The following SNX30 variants were observed in gnomAD, a reference collection of about 807,000 sequenced individuals.
SNX30 encodes the protein sorting nexin-30.
A neutral mutation model predicts 46.4 loss-of-function variants in SNX30; 24 were observed. The observed-to-expected ratio is 0.52, with a 90% confidence interval of 0.37 to 0.73. The LOEUF (loss-of-function observed/expected upper bound fraction) is 0.73. Among genes scored for constraint, SNX30 ranks in the 30% least tolerant of loss-of-function variants. The pLI, the probability that SNX30 is intolerant of heterozygous loss-of-function variation, is 0.00. For synonymous variants in SNX30, 189 were observed against 211.5 expected (o/e 0.89, Z 0.92); for missense variants, 533 against 555.7 (o/e 0.96, Z 0.41).
At chr9:112,812,962 C>T (rs1446614897) in intron 2 of SNX30, among the ~76,000 whole-genome samples, 2 of 152,038 alleles carry the variant, frequency 1.3e-5, no homozygotes, top group African/African-American at 4.8e-5. Context: ...GCCTGGTCAA[C>T]ATGGTGAAAC....
chr9:112,793,797 G>GTTTTTTTTTTTT (rs200559435), intron 1 of SNX30, among the ~76,000 whole-genome samples: 37 of 137,086 alleles, frequency 2.7e-4, no homozygotes, highest in South Asian at 4.4e-4. Context: ...TACCTCCACT[G>GTTTTTTTTTTTT]TTTTTTGTTT....
At position 112,874,370 on chromosome 9, in the gene SNX30, T is replaced by A. The variant is rs1841490295; in HGVS notation, c.*5527T>A. On this transcript the variant is annotated 3_prime_UTR_variant, in exon 9 of 9. Transcript: ENST00000374232. ...GAGTTGGGAGTGCATTGAGAGATGA[T>A]GTCCATCTGATATATTCCTGTGAAA... The A allele has an allele frequency of 1.3e-5, 2 of 152,254 alleles. No homozygotes were observed. Among genetic ancestry groups the A allele is most frequent in the Non-Finnish European group, 2.9e-5 (2 of 68,046 alleles). The allele number at this position is 152,254 out of a possible 1,614,324, so 9.4% of individuals were successfully genotyped here.
intron 4 of SNX30, 55 bp downstream of exon 4, chr9:112,830,938 T>G: frequency 6.6e-7 from 1 of 1,523,774 alleles, no homozygotes. Context: ...TGGGGCTCTT[T>G]CCTAAAAGCT....
intron 7 of SNX30, among the ~76,000 whole-genome samples, chr9:112,854,019 A>G (rs1841077787): frequency 6.6e-6 from 1 of 152,264 alleles, no homozygotes; most frequent in Non-Finnish European, 1.5e-5. Context: ...TAAAGACGTC[A>G]TGTATGTAGT....
chr9:112,766,515 G>A (rs1357837982), intron 1 of SNX30, among the ~76,000 whole-genome samples: 1 of 152,142 alleles, frequency 6.6e-6, no homozygotes. Flanking sequence ...TAAGTATACA[G>A]TTGAGTAGTG....
chr9:112,804,761 C>G lies in SNX30; in HGVS notation c.157-15C>G. On this transcript the variant is annotated splice_polypyrimidine_tract_variant and intron_variant, in intron 1 of 8. Transcript: ENST00000374232. ...TGTTTTCATTTAATTTTAAGGTGCT[C>G]TTTTCTTCTTTTAGGATCTCATTTT... is the stretch of plus-strand genomic sequence containing the variant. The G allele has an allele frequency of 6.3e-7, 1 of 1,590,648 alleles. No homozygotes were observed. The highest frequency in any genetic ancestry group is 8.6e-7 in the Non-Finnish European group (1 of 1,167,702).
chr9:112,879,572 A>G, downstream of SNX30: 1 of 548,680 alleles, frequency 1.8e-6, no homozygotes. Context: ...TTTTTCCATC[A>G]CCAGGAAAGT....
chr9:112,769,165 C>T (rs773610568), intron 1 of SNX30, among the ~76,000 whole-genome samples: 1 of 152,162 alleles, frequency 6.6e-6, no homozygotes, highest in African/African-American at 2.4e-5. Flanking sequence ...TCTTTTGATT[C>T]AACAAGTTCT....
intron 7 of SNX30, chr9:112,856,821 G>A (rs929896092): frequency 1.3e-5 from 2 of 152,522 alleles, no homozygotes; most frequent in Non-Finnish European, 2.9e-5. Flanking sequence ...CCCTCACCAT[G>A]GGGCAGAAGA....
chr9:112,794,273 C>T (rs903531431), intron 1 of SNX30, among the ~76,000 whole-genome samples: 3 of 152,146 alleles, frequency 2.0e-5, no homozygotes, highest in South Asian at 2.1e-4. Flanking sequence ...CTGCCTCAGC[C>T]TCCTGAGTAG....
At chr9:112,860,331 A>G (rs1841206845) in intron 7 of SNX30, among the ~76,000 whole-genome samples, 2 of 152,186 alleles carry the variant, frequency 1.3e-5, no homozygotes, top group Admixed American at 1.3e-4. Context: ...AGCCTTTATA[A>G]AAGAGCTGTG....
chr9:112,771,093 G>T (rs1202751458), intron 1 of SNX30, among the ~76,000 whole-genome samples: 8 of 107,534 alleles, frequency 7.4e-5, no homozygotes, highest in Admixed American at 6.5e-4. Context: ...ATCTTGCTTC[G>T]CAGAACTTAA....
At chr9:112,875,032 A>T (rs1841503160), downstream of SNX30, 1 of 152,184 alleles carries the variant, frequency 6.6e-6, no homozygotes, top group African/African-American at 2.4e-5. Flanking sequence ...AGGCAGAAAA[A>T]CATGTGTGCC....
intron 1 of SNX30, among the ~76,000 whole-genome samples, chr9:112,798,284 CG>C (rs1463195829): frequency 3.1e-5 from 2 of 63,944 alleles, no homozygotes; most frequent in Non-Finnish European, 6.1e-5. Flanking sequence ...CCCCCTCCCC[CG>C]ACCCCACCAC....
intron 1 of SNX30, among the ~76,000 whole-genome samples, chr9:112,769,613 C>T (rs1211033560): frequency 6.6e-6 from 1 of 152,192 alleles, no homozygotes; most frequent in Non-Finnish European, 1.5e-5. Flanking sequence ...GCTGTTCCTC[C>T]TCTGTCTCCT....
chr9:112,838,433 C>A, intron 5 of SNX30, 65 bp from the exon 6 acceptor site: 1 of 1,400,088 alleles, frequency 7.1e-7, no homozygotes. Context: ...GTGGTGATTA[C>A]TGAGTCAGTA....
At chr9:112,826,286 C>A (rs1471459837) in intron 3 of SNX30, among the ~76,000 whole-genome samples, 1 of 152,146 alleles carries the variant, frequency 6.6e-6, no homozygotes, top group Non-Finnish European at 1.5e-5. Context: ...AAACCCAGCA[C>A]TGAAGGCAGT....
At position 112,750,850 on chromosome 9, in the gene SNX30, C is replaced by A. The variant is rs1372748412; in HGVS notation, c.-152C>A. 3.2e-6 allele frequency: 2 copies of A among 616,938 alleles called. No homozygotes were observed. Among genetic ancestry groups the A allele is most frequent in the African/African-American group, 2.0e-5 (1 of 49,892 alleles). 38.2% of individuals were successfully genotyped at this position (616,938 alleles called of 1,614,324 possible). ...GGAGCGTCTGAGCGCCGGCAGAGAC[C>A]AGCCGGCGGGTGGCGGCGGCCCCCA... On this transcript the variant is annotated 5_prime_UTR_variant, in exon 1 of 9. Coordinates refer to ENST00000374232, the MANE Select transcript of SNX30 (RefSeq NM_001012994.2).
intron 2 of SNX30, among the ~76,000 whole-genome samples, chr9:112,809,515 C>T (rs1245173985): frequency 6.6e-6 from 1 of 151,918 alleles, no homozygotes; most frequent in Non-Finnish European, 1.5e-5. Context: ...CTTCAATTCC[C>T]TTCAGGGTTT....
Sources: allele counts gnomAD v4.1 joint callset (sites outside exome capture counted in the v4.1 genomes callset), GRCh38; gene constraint gnomAD v4.1.1; transcripts MANE v1.5; gene names NCBI Gene and HGNC (gene_info 2026-07-23, HGNC 2026-07-21).